KLHL25: variants seen among roughly 807,000 people sequenced by gnomAD.
KLHL25 encodes the protein kelch like family member 25.
Under a neutral mutation model 30.0 loss-of-function variants are expected in KLHL25, and 41 were observed. The observed-to-expected ratio is 1.37, with a 90% CI of 1.07 to 1.78. KLHL25 has a LOEUF of 1.78. Ranked by LOEUF, KLHL25 falls within the 40% of genes most tolerant of loss-of-function variation. The pLI is 0.00. For missense variants in KLHL25, 971 were observed against 824.5 expected (o/e 1.18, Z -2.18); for synonymous variants, 399 against 355.3 (o/e 1.12, Z -1.38).
intron 1 of KLHL25, among the ~76,000 whole-genome samples, chr15:85,793,436 G>C (rs1441775297): frequency 1.3e-5 from 2 of 152,156 alleles, no homozygotes; most frequent in Admixed American, 6.5e-5. Flanking sequence ...GGACCCAAGA[G>C]CCTCCGGTCT....
intron 1 of KLHL25, among the ~76,000 whole-genome samples, chr15:85,774,921 G>C (rs1259367378): frequency 1.4e-5 from 2 of 147,678 alleles, no homozygotes; most frequent in African/African-American, 5.0e-5. Flanking sequence ...CTGTCTCCCA[G>C]GCTGGAGTGC....
At chr15:85,790,787 G>A (rs777308697) in intron 1 of KLHL25, among the ~76,000 whole-genome samples, 17 of 151,962 alleles carry the variant, frequency 1.1e-4, no homozygotes, top group Non-Finnish European at 2.4e-4. Flanking sequence ...ACCCAACTCA[G>A]GGAACAGGAG....
intron 1 of KLHL25, among the ~76,000 whole-genome samples, chr15:85,791,905 T>C (rs974060980): frequency 1.3e-5 from 2 of 152,178 alleles, no homozygotes; most frequent in African/African-American, 2.4e-5. Context: ...CCAAAGCCCA[T>C]GCTCTTTCCA....
intron 1 of KLHL25, among the ~76,000 whole-genome samples, chr15:85,776,075 T>A (rs577410415): frequency 6.7e-6 from 1 of 149,998 alleles, no homozygotes; most frequent in Non-Finnish European, 1.5e-5. Flanking sequence ...CGGGAGGTTA[T>A]AGCATGAGAA....
chr15:85,764,955 T>G (rs1187414369), intron 2 of KLHL25, among the ~76,000 whole-genome samples: 1 of 152,192 alleles, frequency 6.6e-6, no homozygotes, highest in Non-Finnish European at 1.5e-5. Context: ...ATGCTCTCCT[T>G]CCAGGGTCCC....
chr15:85,768,796 C>T lies in KLHL25; in HGVS notation c.1015G>A (p.Gly339Ser), dbSNP rs938267958. The T allele has an allele frequency of 2.5e-5, 40 of 1,613,172 alleles. No homozygotes were observed. The highest frequency in any genetic ancestry group is 1.6e-4 in the Middle Eastern group (1 of 6,084). The change falls in exon 2 of 3, where the codon GGC becomes AGC. Residue 339 changes from glycine (G) to serine (S), a missense_variant. Gly to Ser is a moderately conservative substitution (Grantham distance 56). Coordinates refer to ENST00000337975, the MANE Select transcript of KLHL25 (RefSeq NM_022480.4). ...PRKEFSASAI[G>S]CKVYVTGGRG... ...CCCCCCGTCACATAGACCTTGCAGCCGATCGCTGAGGCGCTGAACTCCTTC... is the reference window on the plus strand; with the variant it reads ...CCCCCCGTCACATAGACCTTGCAGCTGATCGCTGAGGCGCTGAACTCCTTC...
intron 1 of KLHL25, among the ~76,000 whole-genome samples, chr15:85,782,286 G>A (rs2089748810): frequency 6.6e-6 from 1 of 151,910 alleles, no homozygotes; most frequent in African/African-American, 2.4e-5. Context: ...TCCTTCCTGG[G>A]ACCTTGCATT....
At chr15:85,763,795 C>T (rs1424280509) in intron 2 of KLHL25, 1 of 152,312 alleles carries the variant, frequency 6.6e-6, no homozygotes, top group Non-Finnish European at 1.5e-5. Context: ...GGCCTGATCC[C>T]CACTGCTGCC....
chr15:85,761,226 G>A (rs911834777), intron 2 of KLHL25: 1 of 152,240 alleles, frequency 6.6e-6, no homozygotes, highest in Non-Finnish European at 1.5e-5. Flanking sequence ...CAACTTGATT[G>A]GATTCGGGGA....
At chr15:85,770,472 A>ACATC (rs757844429) in intron 1 of KLHL25, 14 of 532,832 alleles carry the variant, frequency 2.6e-5, no homozygotes, top group South Asian at 2.0e-4. Flanking sequence ...TACTGGCTAG[A>ACATC]CATCCCCCTT....
intron 1 of KLHL25, among the ~76,000 whole-genome samples, chr15:85,790,921 G>T (rs182402758): frequency 0.04 from 6,059 of 149,610 alleles, 395 homozygotes; most frequent in African/African-American, 0.14. Context: ...AAAAAAAAAG[G>T]CCAGGTGCGG....
chr15:85,775,806 G>A (rs1005212150), intron 1 of KLHL25, among the ~76,000 whole-genome samples: 6 of 151,442 alleles, frequency 4.0e-5, no homozygotes, highest in Non-Finnish European at 8.8e-5. Flanking sequence ...AGAGGCTGTG[G>A]GGGCAGCAAC....
At chr15:85,772,475 G>T (rs1174476305) in intron 1 of KLHL25, among the ~76,000 whole-genome samples, 1 of 152,224 alleles carries the variant, frequency 6.6e-6, no homozygotes, top group African/African-American at 2.4e-5. Context: ...CTCCAAGTGT[G>T]GGGTGAGCCC....
intron 1 of KLHL25, among the ~76,000 whole-genome samples, chr15:85,786,846 G>A (rs2089784414): frequency 6.6e-6 from 1 of 152,210 alleles, no homozygotes; most frequent in Non-Finnish European, 1.5e-5. Context: ...CTTCATGTTT[G>A]CAGAGCTTTT....
chr15:85,774,205 G>A (rs1031033615), intron 1 of KLHL25, among the ~76,000 whole-genome samples: 8 of 152,204 alleles, frequency 5.3e-5, no homozygotes, highest in African/African-American at 4.8e-5. Context: ...AGACACTCTC[G>A]CTCTGCACAT....
intron 1 of KLHL25, among the ~76,000 whole-genome samples, chr15:85,794,557 G>A (rs1385659060): frequency 6.6e-6 from 1 of 152,178 alleles, no homozygotes; most frequent in African/African-American, 2.4e-5. Context: ...CCCTCGCGGA[G>A]CCGCGGGGTG....
chr15:85,768,519 C>T lies in KLHL25; in HGVS notation c.1292G>A (p.Arg431Gln), dbSNP rs372585368. 6.2e-6 allele frequency: 10 copies of T among 1,613,576 alleles called. No individual in the cohort carries two copies. The African/African-American group carries it at 6.7e-5, about 11-fold the overall frequency. Residue 431 changes from arginine (R) to glutamine (Q), a missense_variant, in exon 2 of 3, where the codon CGG becomes CAG. Physicochemically the swap from Arg to Gln is conservative, Grantham distance 43 (BLOSUM62 1). Transcript: ENST00000337975. ...CACTGCGGCATTGCTGACGCCATCCCGCAAGGGGGCCACCATCATCCACTT... is the reference window on the plus strand; with the variant it reads ...CACTGCGGCATTGCTGACGCCATCCTGCAAGGGGGCCACCATCATCCACTT... ...ANKWMMVAPL[R>Q]DGVSNAAVVS... is the part of the protein sequence containing the mutation.
At chr15:85,778,654 C>T (rs928367943) in intron 1 of KLHL25, among the ~76,000 whole-genome samples, 15 of 152,178 alleles carry the variant, frequency 9.9e-5, no homozygotes, top group African/African-American at 3.4e-4. Flanking sequence ...AGCTCACTGA[C>T]CCAAGACTGG....
At chr15:85,766,346 T>C (rs1189352274) in intron 2 of KLHL25, among the ~76,000 whole-genome samples, 3 of 152,190 alleles carry the variant, frequency 2.0e-5, no homozygotes, top group Non-Finnish European at 2.9e-5. Context: ...CAGGACAGCA[T>C]GAGCCGGGAG....
Sources: allele counts gnomAD v4.1 joint callset (sites outside exome capture counted in the v4.1 genomes callset), GRCh38; gene constraint gnomAD v4.1.1; transcripts MANE v1.5; gene names NCBI Gene and HGNC (gene_info 2026-07-23, HGNC 2026-07-21).